SPC25: variants seen among roughly 807,000 people sequenced by gnomAD.
The protein encoded by SPC25 is SPC25 component of NDC80 kinetochore complex.
Under a neutral mutation model 29.6 loss-of-function variants are expected in SPC25, and 22 were observed. That is an observed-to-expected ratio of 0.74 (90% CI 0.53 to 1.06). SPC25 has a LOEUF of 1.06. SPC25 is among the 50% of genes least tolerant of loss of function. SPC25 has a pLI of 0.00. For synonymous variants in SPC25, 91 were observed against 90.4 expected (o/e 1.01, Z -0.04); for missense variants, 230 against 255.8 (o/e 0.90, Z 0.69).
chr2:168,873,298 C>T (rs920687635), intron 6 of SPC25, among the ~76,000 whole-genome samples: 2 of 152,148 alleles, frequency 1.3e-5, no homozygotes, highest in Non-Finnish European at 2.9e-5. Context: ...TCTAAAAGGA[C>T]AATTCATATT....
At chr2:168,879,138 G>C (rs190751834) in intron 3 of SPC25, among the ~76,000 whole-genome samples, 1 of 152,292 alleles carries the variant, frequency 6.6e-6, no homozygotes, top group East Asian at 1.9e-4. Context: ...GATCAGAGTG[G>C]TAGCTGCTGA....
chr2:168,867,354 C>A (rs1399758916), downstream of SPC25, among the ~76,000 whole-genome samples: 1 of 152,160 alleles, frequency 6.6e-6, no homozygotes, highest in Non-Finnish European at 1.5e-5. Context: ...CAGCTAACAT[C>A]ATAATGACAG....
downstream of SPC25, among the ~76,000 whole-genome samples, chr2:168,869,072 A>G (rs1475151292): frequency 1.3e-5 from 2 of 152,240 alleles, no homozygotes; most frequent in African/African-American, 4.8e-5. Flanking sequence ...CAATAAACGT[A>G]ATCCAGCATA....
chr2:168,862,763 A>ATTTC (rs1689546523), intron 4 of SPC25, among the ~76,000 whole-genome samples: 1 of 152,126 alleles, frequency 6.6e-6, no homozygotes, highest in Admixed American at 6.5e-5. Context: ...AACCTTCTTT[A>ATTTC]TGTGTCCAGT....
intron 4 of SPC25, chr2:168,865,171 A>G: frequency 1.7e-6 from 1 of 596,640 alleles, no homozygotes; most frequent in Non-Finnish European, 2.9e-6. Flanking sequence ...CAGACAAGGA[A>G]GAGGCTCCTT....
At position 168,870,976 on chromosome 2, in the gene SPC25, G is replaced by A. The variant is rs1476632117; in HGVS notation, c.*455C>T. The A allele has an allele frequency of 6.6e-6, 1 of 152,002 alleles. No individual in the cohort carries two copies. The highest frequency in any genetic ancestry group is 2.1e-4 in the South Asian group (1 of 4,834). 9.4% of individuals were successfully genotyped at this position (152,002 alleles called of 1,614,324 possible). A position where few individuals can be genotyped will look rare whatever the true frequency, so the allele number is the denominator to read the frequency against. ...CCAACCCAAATGTCCAACAATGATA[G>A]ACTGGATTAAGAAAATGTGGCACAT... On this transcript the variant is annotated 3_prime_UTR_variant, in exon 7 of 7. Coordinates refer to ENST00000282074, the MANE Select transcript of SPC25 (RefSeq NM_020675.4).
chr2:168,868,945 C>G (rs1337992186), downstream of SPC25, among the ~76,000 whole-genome samples: 2 of 152,104 alleles, frequency 1.3e-5, no homozygotes, highest in African/African-American at 4.8e-5. Flanking sequence ...AACATTGATG[C>G]AAAAATCCTC....
downstream of SPC25, among the ~76,000 whole-genome samples, chr2:168,868,764 T>A (rs999335571): frequency 6.6e-6 from 1 of 152,208 alleles, no homozygotes; most frequent in African/African-American, 2.4e-5. Flanking sequence ...CACAGCTGAA[T>A]TCTACCAGAG....
intron 3 of SPC25, among the ~76,000 whole-genome samples, chr2:168,885,767 G>T (rs1277735253): frequency 1.3e-5 from 2 of 152,114 alleles, no homozygotes; most frequent in Non-Finnish European, 2.9e-5. Flanking sequence ...CAGACCGCAG[G>T]TTCAAATCAT....
At chr2:168,876,803 A>G (rs1690094820) in intron 4 of SPC25, among the ~76,000 whole-genome samples, 1 of 152,138 alleles carries the variant, frequency 6.6e-6, no homozygotes, top group African/African-American at 2.4e-5. Context: ...GCTCCTTTCT[A>G]AAAGATGCAT....
intron 3 of SPC25, among the ~76,000 whole-genome samples, chr2:168,879,659 C>T (rs752615867): frequency 3.3e-5 from 5 of 152,150 alleles, no homozygotes; most frequent in Admixed American, 6.5e-5. Flanking sequence ...CTGTGAATCA[C>T]GAATGTTCTA....
chr2:168,889,317 T>C, intron 2 of SPC25, 26 bp from the exon 3 acceptor site: 1 of 1,613,524 alleles, frequency 6.2e-7, no homozygotes, highest in Non-Finnish European at 8.5e-7. Context: ...AACTTTCAAT[T>C]CAGCTGCAAT....
intron 4 of SPC25, 78 bp downstream of exon 4, chr2:168,877,160 C>T: frequency 6.7e-7 from 1 of 1,491,342 alleles, no homozygotes; most frequent in Non-Finnish European, 9.1e-7. Flanking sequence ...TGAACTGGAA[C>T]AGGCAAGATG....
chr2:168,881,266 T>C (rs1363966526), intron 3 of SPC25, among the ~76,000 whole-genome samples: 1 of 152,218 alleles, frequency 6.6e-6, no homozygotes, highest in Non-Finnish European at 1.5e-5. Flanking sequence ...AAGTTCTTCT[T>C]GCCCTAGCCC....
chr2:168,882,240 TA>T (rs1690188256), intron 3 of SPC25, among the ~76,000 whole-genome samples: 1 of 152,262 alleles, frequency 6.6e-6, no homozygotes, highest in Non-Finnish European at 1.5e-5. Context: ...AGTCTTTTAC[TA>T]CTTTTTTAAA....
intron 3 of SPC25, among the ~76,000 whole-genome samples, chr2:168,887,282 C>T (rs35962426): frequency 0.25 from 37,141 of 151,192 alleles, 5,369 homozygotes; most frequent in Non-Finnish European, 0.31. Flanking sequence ...ATTAGTGGTG[C>T]GTGGTGGTGC....
intron 6 of SPC25, among the ~76,000 whole-genome samples, chr2:168,872,504 A>T (rs111346790): frequency 0.02 from 3,059 of 152,240 alleles, 81 homozygotes; most frequent in African/African-American, 0.068. Flanking sequence ...TGGTCAAAGG[A>T]AAAGAAATTC....
chr2:168,877,374 C>T lies in SPC25; in HGVS notation c.210G>A (p.Arg70=). ...MFLEYQNQIS[R]QNKLIQEKKD... ...TTTTTTCTTGAATGAGCTTATTTTGCCTGCTGATCTCTGTAAGAAGCACAA... is the reference window on the plus strand; with the variant it reads ...TTTTTTCTTGAATGAGCTTATTTTGTCTGCTGATCTCTGTAAGAAGCACAA... The change falls in exon 4 of 7, where the codon AGG becomes AGA. Residue 70 remains arginine (R), a synonymous_variant. Coordinates refer to ENST00000282074, the MANE Select transcript of SPC25 (RefSeq NM_020675.4). The T allele has an allele frequency of 1.2e-6, 2 of 1,613,506 alleles. No individual in the cohort carries two copies. The highest frequency in any genetic ancestry group is 1.7e-6 in the Non-Finnish European group (2 of 1,179,770).
intron 3 of SPC25, among the ~76,000 whole-genome samples, chr2:168,882,143 A>G (rs2105831207): frequency 6.6e-6 from 1 of 152,368 alleles, no homozygotes; most frequent in African/African-American, 2.4e-5. Context: ...GGCAGTTAGG[A>G]AGTTAATATG....
Sources: gnomAD v4.1 joint callset for allele counts (sites outside exome capture counted in the v4.1 genomes callset) on GRCh38, gnomAD v4.1.1 for gene constraint, MANE v1.5 for transcripts, NCBI Gene and HGNC (gene_info 2026-07-23, HGNC 2026-07-21) for gene names.